The following KASH5 variants were observed in gnomAD, a reference collection of about 807,000 sequenced individuals.
KASH5 encodes the protein protein KASH5.
In KASH5, 72 loss-of-function variants were observed where a neutral mutation model predicts 84.2. The observed-to-expected ratio is 0.85, with a 90% CI of 0.71 to 1.04. The LOEUF (loss-of-function observed/expected upper bound fraction) is 1.04. Among genes scored for constraint, KASH5 ranks in the 50% least tolerant of loss-of-function variants. The pLI, the probability that KASH5 is intolerant of heterozygous loss-of-function variation, is 0.00. For missense variants in KASH5, 650 were observed against 701.0 expected (o/e 0.93, Z 0.82); for synonymous variants, 260 against 279.1 (o/e 0.93, Z 0.68).
chr19:49,408,702 C>T (rs1157062245), intron 12 of KASH5, among the ~76,000 whole-genome samples: 1 of 152,200 alleles, frequency 6.6e-6, no homozygotes, highest in Non-Finnish European at 1.5e-5. Context: ...CCCGCCTGGG[C>T]CTCCTGAAGT....
rs1050465449 is a variant in KASH5 at position 49,398,053 on chromosome 19, A to G, written c.539A>G (p.Asn180Ser). The part of the protein sequence containing the change: ...ELSNRRLVGE[N>S]AKLQRSMETA... ...AGCAACCGACGTCTGGTTGGGGAGA[A>G]TGCCAAATTGCAGCGGAGCATGGAG... Residue 180 changes from asparagine to serine, a missense_variant, in exon 7 of 20, where the codon AAT (asparagine) becomes AGT (serine). By Grantham distance (46) the Asn-to-Ser change is conservative. Transcript: ENST00000447857. 2 of 1,613,716 alleles carry G rather than the reference A, an allele frequency of 1.2e-6. No individual in the cohort carries two copies. The highest frequency in any genetic ancestry group is 1.6e-4 in the Middle Eastern group (1 of 6,080).
intron 2 of KASH5, among the ~76,000 whole-genome samples, chr19:49,392,489 C>T (rs1974034366): frequency 6.6e-6 from 1 of 152,184 alleles, no homozygotes; most frequent in Non-Finnish European, 1.5e-5. Flanking sequence ...CAGACACATG[C>T]TGATCCTCAG....
intron 17 of KASH5, chr19:49,415,548 TG>T (rs1974878487): frequency 5.8e-6 from 1 of 173,828 alleles, no homozygotes; most frequent in Non-Finnish European, 1.2e-5. Context: ...ATGCAGGAGC[TG>T]GGCTGGAGTC....
intron 2 of KASH5, chr19:49,391,571 A>G (rs569188081): frequency 1.3e-5 from 2 of 152,338 alleles, no homozygotes; most frequent in East Asian, 3.9e-4. Context: ...TAGCCAATAT[A>G]TAGCCAATAT....
Position 49,417,435 on chromosome 19 carries a change from C to G in KASH5, c.1614C>G (p.Val538=). Residue 538 remains valine, a synonymous_variant, in exon 20 of 20, where the codon GTC becomes GTG. Coordinates refer to ENST00000447857, the MANE Select transcript of KASH5 (RefSeq NM_144688.5). The surrounding 1 kb of genome is among the most constrained non-coding windows in gnomAD (Gnocchi z 5.2). ...TGCTGCTGCTGCTGCTGCTCTCTGT[C>G]CTGCTGCTTGGCCCGTCCCCACCTC... is the stretch of plus-strand genomic sequence containing the variant. ...LGLLLLLLLS[V]LLLGPSPPPT... is the part of the protein sequence containing the mutation. 3 of 1,556,130 alleles carry G rather than the reference C, an allele frequency of 1.9e-6. No homozygotes were observed. In the South Asian group the frequency reaches 3.6e-5, roughly 18 times the overall value.
At chr19:49,409,671 C>T in intron 14 of KASH5, 82 bp from the exon 15 acceptor site, 2 of 1,571,450 alleles carry the variant, frequency 1.3e-6, no homozygotes, top group South Asian at 1.1e-5. Context: ...TTCAGCCGCA[C>T]ACCTAAACCT....
intron 2 of KASH5, among the ~76,000 whole-genome samples, chr19:49,391,305 C>T (rs1206925718): frequency 6.6e-6 from 1 of 152,172 alleles, no homozygotes; most frequent in Non-Finnish European, 1.5e-5. Context: ...CATGTTTTGT[C>T]TCTGTCTCCC....
rs748223828 is a variant in KASH5 at position 49,409,025 on chromosome 19, CCGA to C, written c.1053_1055del (p.Asp352del). 6.3e-7 allele frequency: 1 copy of C among 1,591,548 alleles called. No homozygotes were observed. Among genetic ancestry groups the C allele is most frequent in the Non-Finnish European group, 8.6e-7 (1 of 1,169,312 alleles). On this transcript the variant is annotated inframe_deletion, in exon 13 of 20. Transcript: ENST00000447857. ...CAGCTGAGTCAGACCTATGAGGGGC[CCGA>C]TGAGTGAGTGGAATTTCAAGGGGTA...
chr19:49,405,679 G>A (rs533736662), intron 9 of KASH5, among the ~76,000 whole-genome samples: 7 of 151,570 alleles, frequency 4.6e-5, no homozygotes, highest in East Asian at 2.0e-4. Flanking sequence ...GAGGAGAGCC[G>A]GGTGCGGTGG....
chr19:49,411,077 C>T (rs1363383063), intron 15 of KASH5, among the ~76,000 whole-genome samples: 1 of 151,762 alleles, frequency 6.6e-6, no homozygotes, highest in African/African-American at 2.4e-5. Context: ...GTAGCTGCAA[C>T]CACAGGCATG....
At chr19:49,396,920 C>T (rs372502256) in intron 5 of KASH5, among the ~76,000 whole-genome samples, 2 of 151,968 alleles carry the variant, frequency 1.3e-5, no homozygotes, top group Non-Finnish European at 2.9e-5. Context: ...TAGCTGAGTG[C>T]GGTGGCATGT....
rs11394652 is a variant in KASH5, at chr19:49,406,146, A to AG, written c.799-740_799-739insG. Among the ~76,000 whole-genome samples the AG allele has an allele frequency of 8.9e-3, 1,341 of 151,156 alleles. 20 individuals are homozygous for AG. The highest frequency in any genetic ancestry group is 0.031 in the African/African-American group (1,272 of 40,992). On this transcript the variant is annotated intron_variant, in intron 9 of 19. Coordinates refer to ENST00000447857, the MANE Select transcript of KASH5 (RefSeq NM_144688.5). ...TCTGGCTCAAAAAAAAAAAAAAAAA[A>AG]TCTGGAGGAGAAACATCTCAGTTTA... is the stretch of plus-strand genomic sequence containing the variant.
At chr19:49,409,514 A>G (rs919458846) in intron 14 of KASH5, among the ~76,000 whole-genome samples, 1 of 151,708 alleles carries the variant, frequency 6.6e-6, no homozygotes, top group East Asian at 1.9e-4. Flanking sequence ...ACTCACCCCT[A>G]TCTCGTCTCC....
intron 9 of KASH5, among the ~76,000 whole-genome samples, chr19:49,404,362 A>G (rs1213164843): frequency 1.3e-5 from 2 of 152,140 alleles, no homozygotes; most frequent in African/African-American, 4.8e-5. Context: ...GGTGCCCCTA[A>G]ACTTTAGACT....
At chr19:49,396,968 C>T (rs113109900) in intron 5 of KASH5, among the ~76,000 whole-genome samples, 4 of 151,584 alleles carry the variant, frequency 2.6e-5, no homozygotes, top group Admixed American at 1.3e-4. Context: ...TCAGGAGGAT[C>T]GCTTGAGCCT....
Position 49,399,660 on chromosome 19 carries a change from T to C in KASH5, c.798+153T>C. ...GAATGTCCCTGAGGTTATATCACAC[T>C]GTGAGAACAGCCGTGGTTTACAAGA... On this transcript the variant is annotated intron_variant, in intron 9 of 19. Transcript: ENST00000447857. This position sits in a 1 kb window ranked among gnomAD's most constrained non-coding sequence, Gnocchi z 4.4. 2 of 1,496,560 alleles carry C rather than the reference T, an allele frequency of 1.3e-6. No homozygotes were observed. The highest frequency in any genetic ancestry group is 2.6e-5 in the South Asian group (2 of 77,120). The allele number at this position is 1,496,560 out of a possible 1,614,324, so 92.7% of individuals were successfully genotyped here. A position where few individuals can be genotyped will look rare whatever the true frequency, so the allele number is the denominator to read the frequency against.
intron 9 of KASH5, among the ~76,000 whole-genome samples, chr19:49,405,177 C>T (rs1373638631): frequency 1.3e-5 from 2 of 152,140 alleles, no homozygotes; most frequent in Non-Finnish European, 2.9e-5. Context: ...GGAGCACAGG[C>T]CCGGTGCAGT....
chr19:49,393,121 T>C (rs1363980818), intron 2 of KASH5, among the ~76,000 whole-genome samples: 2 of 152,178 alleles, frequency 1.3e-5, no homozygotes, highest in Non-Finnish European at 2.9e-5. Context: ...AGGGTGACCT[T>C]TGGCGAGTTC....
At chr19:49,405,584 A>G (rs1246590172) in intron 9 of KASH5, among the ~76,000 whole-genome samples, 3 of 152,268 alleles carry the variant, frequency 2.0e-5, no homozygotes, top group Admixed American at 6.5e-5. Context: ...TAAGTCCTCA[A>G]GTAGGAGATA....
Sources: gnomAD v4.1 joint callset for allele counts (sites outside exome capture counted in the v4.1 genomes callset) on GRCh38, gnomAD v4.1.1 for gene constraint, Gnocchi (gnomAD v3.1) non-coding constraint, MANE v1.5 for transcripts, NCBI Gene and HGNC (gene_info 2026-07-23, HGNC 2026-07-21) for gene names.